The following STXBP2 variants were observed in gnomAD, a reference collection of about 807,000 sequenced individuals.
STXBP2 encodes the protein syntaxin-binding protein 2.
STXBP2 carries 47 observed loss-of-function variants against 72.2 expected under a neutral mutation model. The observed-to-expected ratio is 0.65, with a 90% CI of 0.51 to 0.83. STXBP2 has a LOEUF of 0.83. Ranked by LOEUF, STXBP2 falls within the 40% of genes least tolerant of loss-of-function variation. The pLI is 0.00. For missense variants in STXBP2, 702 were observed against 807.6 expected, an observed-to-expected ratio of 0.87 and a Z score of 1.58; for synonymous variants, 367 against 338.7, an observed-to-expected ratio of 1.08 and a Z score of -0.92.
At chr19:7,630,024 C>T in the STXBP2 span, 1 of 838,504 alleles carries the variant, frequency 1.2e-6, no homozygotes, top group Non-Finnish European at 1.7e-6. Context: ...AGAGGGGACG[C>T]TGGGCTGGGG....
intron 16 of STXBP2, 94 bp from the exon 17 acceptor site, chr19:7,647,068 C>T: frequency 7.4e-7 from 1 of 1,351,390 alleles, no homozygotes; most frequent in Non-Finnish European, 1.0e-6. Flanking sequence ...TCCTGTCTGC[C>T]AGGATCTTGG....
chr19:7,633,172 C>T (rs1342030259), upstream of STXBP2, among the ~76,000 whole-genome samples: 1 of 152,186 alleles, frequency 6.6e-6, no homozygotes, highest in African/African-American at 2.4e-5. Flanking sequence ...GGCCCAGGAG[C>T]TACCCCCAGG....
upstream of STXBP2, chr19:7,632,249 G>A (rs2031344162): frequency 1.6e-6 from 2 of 1,285,432 alleles, no homozygotes; most frequent in African/African-American, 3.0e-5. The surrounding 1 kb of genome is among the most constrained non-coding windows in gnomAD (Gnocchi z 5.2). Flanking sequence ...GCCACTGCCT[G>A]GGCCTTGGTC....
chr19:7,632,886 A>C (rs1396570357), upstream of STXBP2: 2 of 1,532,114 alleles, frequency 1.3e-6, no homozygotes, highest in Middle Eastern at 1.7e-4. The surrounding 1 kb of genome is among the most constrained non-coding windows in gnomAD (Gnocchi z 5.2). Context: ...CCCCTCCCCA[A>C]ACTTCCTAGC....
chr19:7,632,903 G>T (rs1237845292), upstream of STXBP2: 1 of 1,520,308 alleles, frequency 6.6e-7, no homozygotes, highest in Non-Finnish European at 8.8e-7. The surrounding 1 kb of genome is among the most constrained non-coding windows in gnomAD (Gnocchi z 5.2). Flanking sequence ...TAGCCAGCTT[G>T]CTCACACCCT....
chr19:7,641,009 G>GC lies in STXBP2; in HGVS notation c.429+9dup. ...TCCTCCCCTACGAGGCCCAGGTACG[G>GC]CCCGGGCTCATCCTGGGCAGGGGGT... On this transcript the variant is annotated splice_region_variant and intron_variant, in intron 6 of 18. Transcript: ENST00000221283. The GC allele has an allele frequency of 6.2e-7, 1 of 1,613,984 alleles. No individual in the cohort carries two copies. The highest frequency in any genetic ancestry group is 1.3e-5 in the African/African-American group (1 of 75,040).
chr19:7,639,623 T>G, intron 3 of STXBP2, 108 bp from the exon 4 acceptor site: 1 of 1,020,926 alleles, frequency 9.8e-7, no homozygotes, highest in Non-Finnish European at 1.5e-6. Context: ...CAGTCCCTCC[T>G]AAGCATCCAC....
Position 7,640,995 on chromosome 19 carries a change from G to A in STXBP2, c.421G>A (p.Glu141Lys), listed in dbSNP as rs147948442. Residue 141 changes from glutamate to lysine, a missense_variant, in exon 6 of 19, where the codon GAG becomes AAG. Transcript: ENST00000221283. ...GATTCACCTTGCCTTCCTCCCCTAC[G>A]AGGCCCAGGTACGGCCCGGGCTCAT... is the stretch of plus-strand genomic sequence containing the variant. ...KEIHLAFLPYEAQVFSLDAPH... is the reference protein window; with the variant it reads ...KEIHLAFLPYKAQVFSLDAPH... 33 of 1,614,004 alleles carry A rather than the reference G, an allele frequency of 2.0e-5. No individual in the cohort carries two copies. The highest frequency in any genetic ancestry group is 2.7e-5 in the African/African-American group (2 of 74,914).
intron 1 of STXBP2, among the ~76,000 whole-genome samples, chr19:7,638,175 T>G (rs1041431214): frequency 6.6e-6 from 1 of 152,204 alleles, no homozygotes; most frequent in Non-Finnish European, 1.5e-5. Context: ...GTTTATCGAG[T>G]GGCACCTTTT....
upstream of STXBP2, among the ~76,000 whole-genome samples, chr19:7,633,238 G>C (rs1423362659): frequency 6.6e-6 from 1 of 152,210 alleles, no homozygotes; most frequent in Non-Finnish European, 1.5e-5. Context: ...CTCTGCCCTG[G>C]GGCCTGGCAC....
rs1480533260 is a variant in STXBP2 at position 7,640,460 on chromosome 19, G to A, written c.247-271G>A. 7.4e-6 allele frequency: 5 copies of A among 672,290 alleles called. No homozygotes were observed. In the East Asian group the frequency reaches 1.1e-4, roughly 15 times the overall value. The allele number at this position is 672,290 out of a possible 1,614,324, so 41.6% of individuals were successfully genotyped here. Reference sequence around the variant, plus strand: ...TGTGTGCATGTGTGTATGTATGTGTGTGCATCTCTGTGTGTGCATGTGTGT... The same window carrying A: ...TGTGTGCATGTGTGTATGTATGTGTATGCATCTCTGTGTGTGCATGTGTGT... On this transcript the variant is annotated intron_variant, in intron 4 of 18. Transcript: ENST00000221283.
chr19:7,638,295 C>T (rs1412766262), intron 1 of STXBP2, among the ~76,000 whole-genome samples: 1 of 152,214 alleles, frequency 6.6e-6, no homozygotes, highest in Non-Finnish European at 1.5e-5. Flanking sequence ...AGCCAATTTG[C>T]AGAACTGGGG....
chr19:7,640,697 G>A (rs776238630), intron 4 of STXBP2, 34 bp from the exon 5 acceptor site: 5 of 1,614,018 alleles, frequency 3.1e-6, no homozygotes, highest in Non-Finnish European at 4.2e-6. Flanking sequence ...TAGGTGTGCA[G>A]GCTCAGGCCC....
Position 7,646,276 on chromosome 19 carries a change from C to T in STXBP2, c.1384C>T (p.Pro462Ser). Residue 462 changes from proline to serine, a missense_variant, in exon 16 of 19, where the codon CCG becomes TCG. Transcript: ENST00000221283. ...GGSGTSSRLE[P>S]RERMEPTYQL... ...CTCGGGGACCTCCAGCCGGCTGGAG[C>T]CGAGAGAACGCATGGAGCCCACCTA... is the stretch of plus-strand genomic sequence containing the variant. 1 of 1,610,234 alleles carries T rather than the reference C, an allele frequency of 6.2e-7. No individual in the cohort carries two copies. The highest frequency in any genetic ancestry group is 1.1e-5 in the South Asian group (1 of 90,176).
upstream of STXBP2, among the ~76,000 whole-genome samples, chr19:7,634,456 C>T (rs1391944326): frequency 6.6e-6 from 1 of 152,252 alleles, no homozygotes; most frequent in Non-Finnish European, 1.5e-5. Flanking sequence ...TCCCCCTCCT[C>T]AGTACGTGTA....
At position 7,639,984 on chromosome 19, in the gene STXBP2, G is replaced by A. The variant is rs766604710; in HGVS notation, c.246+177G>A. The A allele has an allele frequency of 3.7e-5, 27 of 739,504 alleles. 1 individual carries two copies. The highest frequency in any genetic ancestry group is 3.6e-4 in the Middle Eastern group (1 of 2,764). 45.8% of individuals were successfully genotyped at this position (739,504 alleles called of 1,614,324 possible). A position where few individuals can be genotyped will look rare whatever the true frequency, so the allele number is the denominator to read the frequency against. On this transcript the variant is annotated intron_variant, in intron 4 of 18. Transcript: ENST00000221283. Reference sequence around the variant, plus strand: ...TGCATCTGTGTATGCATGTGTGTGCGTGTTTGCATGTGTGTCTATGTATGT... The same window carrying A: ...TGCATCTGTGTATGCATGTGTGTGCATGTTTGCATGTGTGTCTATGTATGT...
Position 7,647,872 on chromosome 19 carries a change from C to T in STXBP2, c.*62C>T. The T allele has an allele frequency of 1.4e-5, 20 of 1,422,068 alleles. 1 individual carries two copies. In the South Asian group the frequency reaches 1.5e-4, roughly 11 times the overall value. The allele number at this position is 1,422,068 out of a possible 1,614,324, so 88.1% of individuals were successfully genotyped here. ...AAATAAACTCTTCCCGTCGCTCTGCCAGCCAGTGCCTACCTCACCTTCTTA... is the reference window on the plus strand; with the variant it reads ...AAATAAACTCTTCCCGTCGCTCTGCTAGCCAGTGCCTACCTCACCTTCTTA... On this transcript the variant is annotated 3_prime_UTR_variant, in exon 19 of 19. Coordinates refer to ENST00000221283, the MANE Select transcript of STXBP2 (RefSeq NM_006949.4).
In STXBP2 at chr19:7,637,132, C is replaced by G. The variant is rs995861411; in HGVS notation, c.-18C>G. The G allele has an allele frequency of 8.1e-7, 1 of 1,240,206 alleles. No individual in the cohort carries two copies. Among genetic ancestry groups the G allele is most frequent in the East Asian group, 3.2e-5 (1 of 31,678 alleles). The allele number at this position is 1,240,206 out of a possible 1,614,324, so 76.8% of individuals were successfully genotyped here. On this transcript the variant is annotated 5_prime_UTR_variant, in exon 1 of 19. Transcript: ENST00000221283. ...CTTGGGACACACCCGGAAGCGGCGGCGGCGCCCCTCGGGGAAGATGGCGCC... is the reference window on the plus strand; with the variant it reads ...CTTGGGACACACCCGGAAGCGGCGGGGGCGCCCCTCGGGGAAGATGGCGCC...
chr19:7,638,738 G>A lies in STXBP2; in HGVS notation c.50G>A (p.Gly17Glu). The change falls in exon 2 of 19, where the codon GGA becomes GAA. Residue 17 changes from glycine (G) to glutamate (E), a missense_variant. Coordinates refer to ENST00000221283, the MANE Select transcript of STXBP2 (RefSeq NM_006949.4). The part of the protein sequence containing the change: ...KAVVGEKILS[G>E]VIRSVKKDGE... ...CCCTTCCCTGCAGAAATTCTGAGCG[G>A]AGTTATTCGGAGTGTCAAGAAGGAT... 1 of 1,614,174 alleles carries A rather than the reference G, an allele frequency of 6.2e-7. No individual in the cohort carries two copies. The highest frequency in any genetic ancestry group is 1.1e-5 in the South Asian group (1 of 91,074).
Sources: allele counts gnomAD v4.1 joint callset (sites outside exome capture counted in the v4.1 genomes callset), GRCh38; gene constraint gnomAD v4.1.1; non-coding constraint Gnocchi (gnomAD v3.1); transcripts MANE v1.5; gene names NCBI Gene and HGNC (gene_info 2026-07-23, HGNC 2026-07-21).